Variants in CPA6 observed in about 807,000 individuals in gnomAD.
The protein encoded by CPA6 is carboxypeptidase A6, also known as carboxypeptidase B.
CPA6 carries 58 observed loss-of-function variants against 63.3 expected under a neutral mutation model. The observed-to-expected ratio is 0.92, with a 90% CI of 0.74 to 1.14. The LOEUF (loss-of-function observed/expected upper bound fraction) is 1.14. Ranked by LOEUF, CPA6 falls within the 50% of genes most tolerant of loss-of-function variation. The pLI is 0.00. For synonymous variants in CPA6, 185 were observed against 179.0 expected, an observed-to-expected ratio of 1.03 and a Z score of -0.27; for missense variants, 565 against 526.6, an observed-to-expected ratio of 1.07 and a Z score of -0.71.
intron 2 of CPA6, among the ~76,000 whole-genome samples, chr8:67,540,620 G>A (rs1812685023): frequency 6.6e-6 from 1 of 152,240 alleles, no homozygotes; most frequent in African/African-American, 2.4e-5. Context: ...CCTTCCTCCA[G>A]GTGCTCTGTC....
At chr8:67,560,324 G>A (rs1416012251) in intron 2 of CPA6, among the ~76,000 whole-genome samples, 1 of 152,038 alleles carries the variant, frequency 6.6e-6, no homozygotes, top group African/African-American at 2.4e-5. Context: ...TTGTTAACCT[G>A]ATATACACTC....
At chr8:67,443,261 TGCTGGCCAG>T (rs1378109186) in intron 8 of CPA6, among the ~76,000 whole-genome samples, 1 of 152,126 alleles carries the variant, frequency 6.6e-6, no homozygotes. Context: ...GGTTTCACCA[TGCTGGCCAG>T]GCTGGTCTCC....
intron 8 of CPA6, among the ~76,000 whole-genome samples, chr8:67,448,639 G>GAAAAAAAAAAAA (rs61317091): frequency 4.3e-5 from 1 of 23,308 alleles, no homozygotes; most frequent in African/African-American, 1.7e-4. Flanking sequence ...CTCAAAAAAG[G>GAAAAAAAAAAAA]AAAAAAAAAA....
chr8:67,605,831 G>A (rs1465633980), intron 2 of CPA6, among the ~76,000 whole-genome samples: 1 of 152,068 alleles, frequency 6.6e-6, no homozygotes. Flanking sequence ...TGAAGACCAG[G>A]CCTTGTTCAG....
chr8:67,697,107 A>G (rs1028527266), intron 1 of CPA6, among the ~76,000 whole-genome samples: 1 of 152,220 alleles, frequency 6.6e-6, no homozygotes, highest in Non-Finnish European at 1.5e-5. Flanking sequence ...AAGGTTAAGC[A>G]GACAGCCACT....
intron 3 of CPA6, among the ~76,000 whole-genome samples, chr8:67,511,888 T>C (rs1202566621): frequency 6.6e-6 from 1 of 152,208 alleles, no homozygotes; most frequent in African/African-American, 2.4e-5. Flanking sequence ...GTGATAGTAG[T>C]AGTAACAATA....
At chr8:67,649,880 C>A (rs1377565846) in intron 1 of CPA6, among the ~76,000 whole-genome samples, 1 of 152,116 alleles carries the variant, frequency 6.6e-6, no homozygotes, top group Admixed American at 6.5e-5. Flanking sequence ...AAAGGGAAAG[C>A]GGCAAAGTGA....
At chr8:67,504,977 C>T (rs2128964446) in intron 6 of CPA6, among the ~76,000 whole-genome samples, 1 of 152,322 alleles carries the variant, frequency 6.6e-6, no homozygotes, top group East Asian at 1.9e-4. Flanking sequence ...GCTTCTTGCT[C>T]TTGTTCCAAA....
At chr8:67,479,971 CT>C (rs1002477758) in intron 8 of CPA6, among the ~76,000 whole-genome samples, 107 of 144,090 alleles carry the variant, frequency 7.4e-4, no homozygotes, top group African/African-American at 6.5e-4. Context: ...CCCGGCTCCA[CT>C]TTTTTTTTTT....
chr8:67,634,216 A>ATTATTATTAT (rs1815413689), intron 1 of CPA6, among the ~76,000 whole-genome samples: 1 of 94,280 alleles, frequency 1.1e-5, no homozygotes, highest in South Asian at 3.3e-4. Flanking sequence ...TATTATTATT[A>ATTATTATTAT]TTATTTATTT....
intron 1 of CPA6, among the ~76,000 whole-genome samples, chr8:67,629,191 G>T (rs1815262315): frequency 6.6e-6 from 1 of 152,164 alleles, no homozygotes; most frequent in Non-Finnish European, 1.5e-5. Context: ...CCCATAGCTG[G>T]GTGTGGTGAC....
chr8:67,515,424 T>C (rs1198088115), intron 3 of CPA6, among the ~76,000 whole-genome samples: 2 of 152,220 alleles, frequency 1.3e-5, no homozygotes, highest in Admixed American at 1.3e-4. Flanking sequence ...TCTCATATTC[T>C]TGCCGCATCA....
chr8:67,551,786 T>C (rs1011946773), intron 2 of CPA6, among the ~76,000 whole-genome samples: 5 of 152,202 alleles, frequency 3.3e-5, no homozygotes, highest in African/African-American at 4.8e-5. Context: ...GGTGTGGCTA[T>C]TGGAAATGGG....
chr8:67,479,571 A>G (rs1811314105), intron 8 of CPA6, among the ~76,000 whole-genome samples: 1 of 152,164 alleles, frequency 6.6e-6, no homozygotes, highest in Non-Finnish European at 1.5e-5. Flanking sequence ...AGTAGATTGT[A>G]CTGAATATTA....
At chr8:67,745,962 G>T (rs536119354) in intron 1 of CPA6, 52 bp downstream of exon 1, 1 of 1,371,920 alleles carries the variant, frequency 7.3e-7, no homozygotes, top group Non-Finnish European at 1.0e-6. Context: ...GAGCAAACCA[G>T]CCCCCAGATC....
chr8:67,596,077 C>CCTTT (rs1814326280), intron 2 of CPA6, among the ~76,000 whole-genome samples: 1 of 152,302 alleles, frequency 6.6e-6, no homozygotes, highest in Admixed American at 6.5e-5. Context: ...TATCATCTAC[C>CCTTT]CTTTGATGCT....
chr8:67,448,250 A>G (rs1810473931), intron 8 of CPA6, among the ~76,000 whole-genome samples: 1 of 152,244 alleles, frequency 6.6e-6, no homozygotes, highest in Non-Finnish European at 1.5e-5. Flanking sequence ...ATTGCATTTT[A>G]TCCTCAAATC....
chr8:67,575,107 T>C (rs1302703659), intron 2 of CPA6, among the ~76,000 whole-genome samples: 1 of 152,122 alleles, frequency 6.6e-6, no homozygotes, highest in Non-Finnish European at 1.5e-5. Context: ...AGAAGACATA[T>C]GAATGGCTAA....
At chr8:67,608,167 A>G (rs1814714747) in intron 2 of CPA6, among the ~76,000 whole-genome samples, 1 of 152,218 alleles carries the variant, frequency 6.6e-6, no homozygotes, top group South Asian at 2.1e-4. Context: ...GACAGGAGGC[A>G]GGAGAGTAGG....
Sources: gnomAD v4.1 joint callset for allele counts (sites outside exome capture counted in the v4.1 genomes callset) on GRCh38, gnomAD v4.1.1 for gene constraint, MANE v1.5 for transcripts, NCBI Gene and HGNC (gene_info 2026-07-23, HGNC 2026-07-21) for gene names.